Variants in SLC5A4 observed in about 807,000 individuals in gnomAD.
SLC5A4 encodes solute carrier family 5 member 4.
SLC5A4 carries 55 observed loss-of-function variants against 70.3 expected under a neutral mutation model. The observed-to-expected ratio is 0.78, with a 90% CI of 0.63 to 0.98. SLC5A4 has a LOEUF of 0.98. SLC5A4 is among the 50% of genes least tolerant of loss of function. The pLI, the probability that SLC5A4 is intolerant of heterozygous loss-of-function variation, is 0.00. For synonymous variants in SLC5A4, 268 were observed against 305.7 expected (o/e 0.88, Z 1.29); for missense variants, 735 against 839.2 (o/e 0.88, Z 1.53).
At chr22:32,293,769 T>C in the SLC5A4 span, among the ~76,000 whole-genome samples, 1 of 152,126 alleles carries the variant, frequency 6.6e-6, no homozygotes, top group African/African-American at 2.4e-5. Context: ...GAAGACACTT[T>C]GGTATATTTT....
the SLC5A4 span, among the ~76,000 whole-genome samples, chr22:32,340,498 AACGTT>A: frequency 1.9e-4 from 29 of 152,354 alleles, no homozygotes; most frequent in African/African-American, 6.7e-4. Context: ...CCACAAAGCA[AACGTT>A]ATGTCAGGCG....
chr22:32,348,659 T>C, the SLC5A4 span, among the ~76,000 whole-genome samples: 1 of 152,220 alleles, frequency 6.6e-6, no homozygotes, highest in Admixed American at 6.5e-5. Context: ...CAGTTTTAAT[T>C]AATGACTATA....
chr22:32,352,251 C>T, the SLC5A4 span, among the ~76,000 whole-genome samples: 1 of 129,060 alleles, frequency 7.7e-6, no homozygotes, highest in Admixed American at 9.9e-5. Context: ...GGGGACATCA[C>T]ATACCAGGGC....
chr22:32,252,620 G>T (rs1927238379), intron 2 of SLC5A4, among the ~76,000 whole-genome samples: 1 of 152,114 alleles, frequency 6.6e-6, no homozygotes, highest in South Asian at 2.1e-4. Context: ...TTACAGAAAA[G>T]CTCGTTGGCC....
At chr22:32,326,441 G>T in the SLC5A4 span, among the ~76,000 whole-genome samples, 1 of 151,906 alleles carries the variant, frequency 6.6e-6, no homozygotes. Flanking sequence ...ATTTTTAGTA[G>T]AGACAGTTTC....
the SLC5A4 span, among the ~76,000 whole-genome samples, chr22:32,333,327 C>T: frequency 8.5e-5 from 13 of 152,094 alleles, 1 homozygote; most frequent in African/African-American, 2.9e-4. Flanking sequence ...GAGAGGCCTC[C>T]GGAAGGAGCA....
chr22:32,281,896 C>T, the SLC5A4 span, among the ~76,000 whole-genome samples: 29 of 152,146 alleles, frequency 1.9e-4, no homozygotes, highest in Middle Eastern at 3.4e-3. Flanking sequence ...CAGGCTGGAG[C>T]GCAGTGGCAC....
the SLC5A4 span, among the ~76,000 whole-genome samples, chr22:32,277,655 C>T: frequency 6.6e-6 from 1 of 152,152 alleles, no homozygotes; most frequent in Non-Finnish European, 1.5e-5. Flanking sequence ...TCATGCCATT[C>T]TCCTGCCTCA....
the SLC5A4 span, among the ~76,000 whole-genome samples, chr22:32,345,341 T>C: frequency 6.6e-6 from 1 of 152,166 alleles, no homozygotes; most frequent in South Asian, 2.1e-4. Flanking sequence ...AAAGATCATT[T>C]CTTTTGATAC....
At chr22:32,240,798 G>A (rs1000766900) in intron 5 of SLC5A4, among the ~76,000 whole-genome samples, 3 of 152,130 alleles carry the variant, frequency 2.0e-5, no homozygotes, top group East Asian at 1.9e-4. Flanking sequence ...GATAGAAAGT[G>A]GTAAGCTCAG....
the SLC5A4 span, among the ~76,000 whole-genome samples, chr22:32,317,966 C>T: frequency 2.0e-5 from 3 of 152,184 alleles, no homozygotes; most frequent in Non-Finnish European, 4.4e-5. Flanking sequence ...TTGCCCTTGT[C>T]AAGGTCACCA....
At chr22:32,268,242 G>T in the SLC5A4 span, 1 of 152,228 alleles carries the variant, frequency 6.6e-6, no homozygotes, top group African/African-American at 2.4e-5. Context: ...AAGGAGTGTT[G>T]TCCTTCAACT....
At chr22:32,323,845 G>C in the SLC5A4 span, among the ~76,000 whole-genome samples, 2 of 152,246 alleles carry the variant, frequency 1.3e-5, no homozygotes, top group African/African-American at 4.8e-5. Context: ...GCCCTTCTGG[G>C]ATAAGGGTGG....
At chr22:32,282,028 A>G in the SLC5A4 span, among the ~76,000 whole-genome samples, 1 of 151,888 alleles carries the variant, frequency 6.6e-6, no homozygotes, top group African/African-American at 2.4e-5. Flanking sequence ...TTTTTAGTAG[A>G]GACGGCGTTT....
chr22:32,259,750 A>G (rs1927662935), upstream of SLC5A4, among the ~76,000 whole-genome samples: 1 of 152,016 alleles, frequency 6.6e-6, no homozygotes, highest in Admixed American at 6.5e-5. Context: ...GTTTTTTTGG[A>G]AGAGATTAAG....
At chr22:32,345,262 C>G in the SLC5A4 span, among the ~76,000 whole-genome samples, 1 of 151,882 alleles carries the variant, frequency 6.6e-6, no homozygotes, top group South Asian at 2.1e-4. Flanking sequence ...TAAAGAAAAC[C>G]TGATAGAAAA....
At chr22:32,270,428 TG>T in the SLC5A4 span, 1 of 1,373,616 alleles carries the variant, frequency 7.3e-7, no homozygotes, top group Non-Finnish European at 1.0e-6. Context: ...GTCATCGCCC[TG>T]GTGCCTAAGG....
chr22:32,316,934 C>CTCTGTGTGTGTGTGTGTG, the SLC5A4 span, among the ~76,000 whole-genome samples: 31 of 148,730 alleles, frequency 2.1e-4, no homozygotes, highest in African/African-American at 7.2e-4. Flanking sequence ...ATTAACAACT[C>CTCTGTGTGTGTGTGTGTG]TGTGTGTGTG....
chr22:32,284,655 T>C, the SLC5A4 span: 10 of 152,218 alleles, frequency 6.6e-5, no homozygotes, highest in African/African-American at 2.4e-4. Flanking sequence ...ATTTCCACCA[T>C]ATTCTATTGA....
Sources: allele counts gnomAD v4.1 joint callset (sites outside exome capture counted in the v4.1 genomes callset), GRCh38; gene constraint gnomAD v4.1.1; transcripts MANE v1.5; gene names NCBI Gene and HGNC (gene_info 2026-07-23, HGNC 2026-07-21).